PKIB: variants seen among roughly 807,000 people sequenced by gnomAD.
PKIB encodes cAMP-dependent protein kinase inhibitor beta.
Under a neutral mutation model 4.5 loss-of-function variants are expected in PKIB, and 2 were observed. The observed-to-expected ratio is 0.44, with a 90% CI of 0.18 to 1.39. The LOEUF (loss-of-function observed/expected upper bound fraction) is 1.39. Among genes scored for constraint, PKIB ranks in the 40% most tolerant of loss-of-function variants. The pLI, the probability that PKIB is intolerant of heterozygous loss-of-function variation, is 0.27. For missense variants in PKIB, 94 were observed against 92.6 expected, an observed-to-expected ratio of 1.02 and a Z score of -0.06; for synonymous variants, 38 against 36.0, an observed-to-expected ratio of 1.06 and a Z score of -0.20.
chr6:122,572,735 CAAGAA>C (rs753700068), intron 2 of PKIB, among the ~76,000 whole-genome samples: 3 of 150,320 alleles, frequency 2.0e-5, no homozygotes, highest in African/African-American at 7.3e-5. Flanking sequence ...TGAGATTAAC[CAAGAA>C]AAGAAGAGAG....
chr6:122,474,190 G>A (rs1322215690), intron 1 of PKIB, among the ~76,000 whole-genome samples: 1 of 152,134 alleles, frequency 6.6e-6, no homozygotes, highest in Non-Finnish European at 1.5e-5. Flanking sequence ...TCTCTGACTT[G>A]ATTAAGGGCT....
chr6:122,718,773 T>G (rs1779608302), intron 4 of PKIB, among the ~76,000 whole-genome samples: 1 of 152,142 alleles, frequency 6.6e-6, no homozygotes, highest in Non-Finnish European at 1.5e-5. Flanking sequence ...CTCTTGGTTC[T>G]TTGCTTCAGG....
intron 2 of PKIB, among the ~76,000 whole-genome samples, chr6:122,640,953 GAC>G (rs1776098267): frequency 6.6e-6 from 1 of 151,860 alleles, no homozygotes; most frequent in Admixed American, 6.6e-5. Flanking sequence ...TCAATAATGA[GAC>G]ATTTAAATAA....
At chr6:122,545,992 T>A (rs1238433747) in intron 2 of PKIB, among the ~76,000 whole-genome samples, 1 of 151,606 alleles carries the variant, frequency 6.6e-6, no homozygotes, top group East Asian at 2.0e-4. Context: ...GTTAAGGGGT[T>A]TCTAGTATGA....
intron 2 of PKIB, among the ~76,000 whole-genome samples, chr6:122,671,290 CAAA>C (rs66952964): frequency 1.7e-5 from 2 of 119,808 alleles, no homozygotes; most frequent in African/African-American, 3.2e-5. Flanking sequence ...GACTCTGTCT[CAAA>C]AAAAAAAAAA....
At chr6:122,547,439 G>A (rs911110127) in intron 2 of PKIB, among the ~76,000 whole-genome samples, 1 of 152,012 alleles carries the variant, frequency 6.6e-6, no homozygotes, top group Non-Finnish European at 1.5e-5. Context: ...GGATTCAAGC[G>A]ATTCTCCTGC....
chr6:122,550,376 T>TATA (rs1431233729), intron 2 of PKIB, among the ~76,000 whole-genome samples: 23 of 152,342 alleles, frequency 1.5e-4, no homozygotes, highest in African/African-American at 5.5e-4. Context: ...TTTACATCTA[T>TATA]ATTTATTGCT....
chr6:122,490,784 T>C (rs1041897896), intron 2 of PKIB, among the ~76,000 whole-genome samples: 3 of 152,198 alleles, frequency 2.0e-5, no homozygotes, highest in Admixed American at 6.5e-5. Context: ...TATTTCTTTA[T>C]AGCTAGCAAA....
In PKIB at chr6:122,674,094, G is replaced by C. The variant is rs558924053; in HGVS notation, c.-75-984G>C. On this transcript the variant is annotated intron_variant, in intron 2 of 4. Transcript: ENST00000368452. ...GTGTGACTGCAGAGTTTTAGGATTG[G>C]TGGAGGTTGGGCATGGGTGAAAAGG... 2.0e-4 allele frequency among the ~76,000 whole-genome samples: 30 copies of C among 152,282 alleles called. No individual in the cohort carries two copies. The South Asian group carries it at 6.2e-3, about 32-fold the overall frequency.
At chr6:122,707,625 A>G (rs963239888) in intron 3 of PKIB, among the ~76,000 whole-genome samples, 1 of 152,188 alleles carries the variant, frequency 6.6e-6, no homozygotes, top group East Asian at 1.9e-4. Context: ...CATAGTTGGT[A>G]TATGCTCTCT....
rs1772860795 is a variant in PKIB, at chr6:122,556,929, C to T, written c.-247-28992C>T. Among the ~76,000 whole-genome samples, 2 of 152,116 alleles carry T rather than the reference C, an allele frequency of 1.3e-5. 1 individual carries two copies. The highest frequency in any genetic ancestry group is 2.9e-5 in the Non-Finnish European group (2 of 68,016). ...TGAAAGTAATATATACAAGACCAGG[C>T]TCAGCCGGGCGTGGTGGCTTACGCC... On this transcript the variant is annotated intron_variant, in intron 2 of 6. Coordinates refer to the PKIB transcript ENST00000392491.
chr6:122,657,063 A>T (rs934773419), intron 2 of PKIB, among the ~76,000 whole-genome samples: 1 of 152,230 alleles, frequency 6.6e-6, no homozygotes, highest in East Asian at 1.9e-4. Context: ...ACATGATGCT[A>T]TGGAATATAT....
In PKIB at chr6:122,664,914, T is replaced by G. The variant is rs797012470; in HGVS notation, c.-75-10164T>G. Among the ~76,000 whole-genome samples, 29 of 152,302 alleles carry G rather than the reference T, an allele frequency of 1.9e-4. 1 individual carries two copies. Among genetic ancestry groups the G allele is most frequent in the African/African-American group, 7.0e-4 (29 of 41,554 alleles). ...AAATAAACCTTTGTAAAAAGAATAT[T>G]AATACATTTTAAAATTCAAATTTGG... On this transcript the variant is annotated intron_variant, in intron 2 of 4. Transcript: ENST00000368452.
chr6:122,688,054 G>A (rs1037788982), intron 3 of PKIB, among the ~76,000 whole-genome samples: 33 of 151,982 alleles, frequency 2.2e-4, no homozygotes, highest in African/African-American at 6.5e-4. Flanking sequence ...AAGGCTTTCA[G>A]TTTTTCCCCA....
intron 2 of PKIB, among the ~76,000 whole-genome samples, chr6:122,660,693 T>A (rs2114911624): frequency 6.6e-6 from 1 of 152,254 alleles, no homozygotes; most frequent in South Asian, 2.1e-4. Flanking sequence ...CCTTTGCAAT[T>A]CTATAGCCTA....
At chr6:122,558,997 G>C (rs2114668847) in intron 2 of PKIB, among the ~76,000 whole-genome samples, 1 of 152,192 alleles carries the variant, frequency 6.6e-6, no homozygotes, top group East Asian at 1.9e-4. Flanking sequence ...GAGAACATAT[G>C]ATGTTTATTT....
At chr6:122,620,747 G>C (rs572322928) in intron 1 of PKIB, among the ~76,000 whole-genome samples, 1 of 152,130 alleles carries the variant, frequency 6.6e-6, no homozygotes, top group Non-Finnish European at 1.5e-5. Flanking sequence ...TGTTGAGGGA[G>C]GCAGATGTTG....
intron 3 of PKIB, among the ~76,000 whole-genome samples, chr6:122,685,360 A>T (rs1357815254): frequency 6.6e-6 from 1 of 152,204 alleles, no homozygotes; most frequent in Admixed American, 6.5e-5. Context: ...GAAGAATCTT[A>T]GGTTCAAATG....
intron 2 of PKIB, among the ~76,000 whole-genome samples, chr6:122,484,685 A>G (rs924408358): frequency 7.2e-5 from 11 of 152,204 alleles, no homozygotes; most frequent in Admixed American, 1.3e-4. Context: ...GTTTAATCCA[A>G]TGTTTCTTAA....
Sources: gnomAD v4.1 joint callset for allele counts (sites outside exome capture counted in the v4.1 genomes callset) on GRCh38, gnomAD v4.1.1 for gene constraint, MANE v1.5 for transcripts, NCBI Gene and HGNC (gene_info 2026-07-23, HGNC 2026-07-21) for gene names.